IL24: variants seen among roughly 807,000 people sequenced by gnomAD.
IL24 encodes interleukin-24.
IL24 carries 24 observed loss-of-function variants against 27.6 expected under a neutral mutation model. The ratio of observed to expected loss-of-function variants is 0.87; its 90% CI spans 0.63 to 1.22. The LOEUF (loss-of-function observed/expected upper bound fraction) is 1.22. Ranked by LOEUF, IL24 falls within the 50% of genes most tolerant of loss-of-function variation. IL24 has a pLI of 0.00. For synonymous variants in IL24, 99 were observed against 93.1 expected (o/e 1.06, Z -0.36); for missense variants, 240 against 237.0 (o/e 1.01, Z -0.08).
At chr1:206,900,414 T>G (rs1336976593) in intron 4 of IL24, 57 bp downstream of exon 4, 50 of 1,491,002 alleles carry the variant, frequency 3.4e-5, no homozygotes, top group Non-Finnish European at 3.7e-5. Context: ...TGGGTGGGAG[T>G]GCAAGGCTTT....
intron 5 of IL24, 80 bp downstream of exon 5, chr1:206,901,732 C>A: frequency 8.3e-7 from 1 of 1,206,564 alleles, no homozygotes. Context: ...TGACCCTCTG[C>A]AAAGTCCTCC....
Position 206,899,306 on chromosome 1 carries a change from C to T in IL24, c.45-14C>T, listed in dbSNP as rs1326964737. On this transcript the variant is annotated splice_polypyrimidine_tract_variant and intron_variant, in intron 2 of 6. Coordinates refer to ENST00000294984, the MANE Select transcript of IL24 (RefSeq NM_006850.3). ...AGGGCCGGCCTCACAGGCTGCCTCCCTTTCTTTCAGCAGACCCTTCTGCCC... is the reference window on the plus strand; with the variant it reads ...AGGGCCGGCCTCACAGGCTGCCTCCTTTTCTTTCAGCAGACCCTTCTGCCC... The T allele has an allele frequency of 1.2e-6, 2 of 1,611,574 alleles. No homozygotes were observed. The highest frequency in any genetic ancestry group is 1.3e-5 in the African/African-American group (1 of 74,878).
intron 5 of IL24, 26 bp from the exon 6 acceptor site, chr1:206,901,972 A>T: frequency 6.2e-7 from 1 of 1,611,888 alleles, no homozygotes; most frequent in East Asian, 2.2e-5. Flanking sequence ...AAAAATTGGC[A>T]CAACTTCTTT....
chr1:206,901,734 A>G, intron 5 of IL24, 82 bp downstream of exon 5: 3 of 1,213,388 alleles, frequency 2.5e-6, no homozygotes, highest in Non-Finnish European at 3.6e-6. Context: ...ACCCTCTGCA[A>G]AGTCCTCCAC....
At chr1:206,902,546 A>C (rs1329227529) in intron 6 of IL24, 5 of 978,426 alleles carry the variant, frequency 5.1e-6, no homozygotes, top group Non-Finnish European at 6.0e-6. Flanking sequence ...CCCCCCTAAA[A>C]ACATAAATGA....
chr1:206,903,158 C>T lies in IL24; in HGVS notation c.*99C>T. 2 of 1,028,988 alleles carry T rather than the reference C, an allele frequency of 1.9e-6. No individual in the cohort carries two copies. Among genetic ancestry groups the T allele is most frequent in the Non-Finnish European group, 3.0e-6 (2 of 656,636 alleles). 63.7% of individuals were successfully genotyped at this position (1,028,988 alleles called of 1,614,324 possible). On this transcript the variant is annotated 3_prime_UTR_variant, in exon 7 of 7. Coordinates refer to ENST00000294984, the MANE Select transcript of IL24 (RefSeq NM_006850.3). Reference sequence around the variant, plus strand: ...ATGCTGTTCACTGGACACTTCACGCCCTTGGCCATGGGTCCCATTCTTGGC... The same window carrying T: ...ATGCTGTTCACTGGACACTTCACGCTCTTGGCCATGGGTCCCATTCTTGGC...
intron 4 of IL24, 71 bp from the exon 5 acceptor site, chr1:206,901,423 T>C (rs1678372620): frequency 2.6e-6 from 4 of 1,513,860 alleles, no homozygotes; most frequent in African/African-American, 2.8e-5. Flanking sequence ...TTGGGTGGCA[T>C]GTGGGTTGTT....
chr1:206,903,162 G>A lies in IL24; in HGVS notation c.*103G>A. 1.0e-6 allele frequency: 1 copy of A among 978,528 alleles called. No individual in the cohort carries two copies. The highest frequency in any genetic ancestry group is 1.6e-6 in the Non-Finnish European group (1 of 614,150). The allele number at this position is 978,528 out of a possible 1,614,324, so 60.6% of individuals were successfully genotyped here. A position where few individuals can be genotyped will look rare whatever the true frequency, so the allele number is the denominator to read the frequency against. Reference sequence around the variant, plus strand: ...TGTTCACTGGACACTTCACGCCCTTGGCCATGGGTCCCATTCTTGGCCCAG... The same window carrying A: ...TGTTCACTGGACACTTCACGCCCTTAGCCATGGGTCCCATTCTTGGCCCAG... On this transcript the variant is annotated 3_prime_UTR_variant, in exon 7 of 7. Transcript: ENST00000294984.
At chr1:206,899,214 A>G (rs143926758) in intron 2 of IL24, 106 bp from the exon 3 acceptor site, 15 of 1,154,946 alleles carry the variant, frequency 1.3e-5, no homozygotes, top group Non-Finnish European at 1.7e-5. Context: ...TGCCCATTGG[A>G]GAGTGCTCGA....
chr1:206,903,095 G>A lies in IL24; in HGVS notation c.*36G>A, dbSNP rs1558642685. ...CAGGACCTCCCTCCCCCTGGCACTG[G>A]TTTGTTCCCTGTGTCATTTCAAACA... is the stretch of plus-strand genomic sequence containing the variant. On this transcript the variant is annotated 3_prime_UTR_variant, in exon 7 of 7. Coordinates refer to ENST00000294984, the MANE Select transcript of IL24 (RefSeq NM_006850.3). 2 of 1,553,800 alleles carry A rather than the reference G, an allele frequency of 1.3e-6. No individual in the cohort carries two copies. Among genetic ancestry groups the A allele is most frequent in the Non-Finnish European group, 1.8e-6 (2 of 1,125,104 alleles).
intron 3 of IL24, 152 bp from the exon 4 acceptor site, chr1:206,900,143 C>G: frequency 1.4e-6 from 1 of 711,270 alleles, no homozygotes; most frequent in East Asian, 2.7e-5. Flanking sequence ...CAGCTCAGCC[C>G]AGTCCTTCCT....
At chr1:206,900,416 C>T in intron 4 of IL24, 59 bp downstream of exon 4, 1 of 1,480,612 alleles carries the variant, frequency 6.8e-7, no homozygotes, top group Non-Finnish European at 9.4e-7. Flanking sequence ...GGTGGGAGTG[C>T]AAGGCTTTCT....
chr1:206,899,257 C>T, intron 2 of IL24, 63 bp from the exon 3 acceptor site: 12 of 1,543,542 alleles, frequency 7.8e-6, no homozygotes, highest in Non-Finnish European at 1.1e-5. Context: ...GAGCATTTTC[C>T]CAGGGCATGT....
intron 6 of IL24, 189 bp downstream of exon 6, chr1:206,902,261 T>C (rs1678420697): frequency 2.0e-6 from 2 of 985,412 alleles, no homozygotes; most frequent in Non-Finnish European, 2.4e-6. Flanking sequence ...TGGTCTTTTT[T>C]CTTCCAGTTT....
At chr1:206,900,804 T>A (rs1422860078) in intron 4 of IL24, among the ~76,000 whole-genome samples, 1 of 152,174 alleles carries the variant, frequency 6.6e-6, no homozygotes, top group African/African-American at 2.4e-5. Context: ...CTGGTTTCTA[T>A]GCTGAACCCT....
At chr1:206,902,238 A>T (rs1384995399) in intron 6 of IL24, 166 bp downstream of exon 6, 4 of 985,330 alleles carry the variant, frequency 4.1e-6, no homozygotes, top group Non-Finnish European at 4.8e-6. Context: ...TTGCAGAAGC[A>T]TCGTAAACTA....
At chr1:206,900,940 G>A (rs1447351795) in intron 4 of IL24, among the ~76,000 whole-genome samples, 1 of 152,036 alleles carries the variant, frequency 6.6e-6, no homozygotes, top group Non-Finnish European at 1.5e-5. Context: ...TGTTATCAAG[G>A]ATGGGTCACC....
At position 206,899,407 on chromosome 1, in the gene IL24, C is replaced by G; in HGVS notation, c.132C>G (p.Ser44Arg). 1 of 1,614,196 alleles carries G rather than the reference C, an allele frequency of 6.2e-7. No individual in the cohort carries two copies. The highest frequency in any genetic ancestry group is 8.5e-7 in the Non-Finnish European group (1 of 1,180,026). ...PCLGFTLLLW[S>R]QVSGAQGQEF... ...TGGGTTTTACCCTGCTTCTCTGGAG[C>G]CAGGTATCAGGGGCCCAGGGCCAAG... Residue 44 changes from serine to arginine, a missense_variant, in exon 3 of 7, where the codon AGC becomes AGG. By Grantham distance (110) the Ser-to-Arg change is moderately radical. Coordinates refer to ENST00000294984, the MANE Select transcript of IL24 (RefSeq NM_006850.3).
At position 206,900,339 on chromosome 1, in the gene IL24, G is replaced by A; in HGVS notation, c.285G>A (p.Glu95=). 6.2e-7 allele frequency: 1 copy of A among 1,614,040 alleles called. No homozygotes were observed. The highest frequency in any genetic ancestry group is 8.5e-7 in the Non-Finnish European group (1 of 1,179,998). ...NITSARLLQQ[E]VLQNVSDAES... is the part of the protein sequence containing the mutation. Reference sequence around the variant, plus strand: ...CGAGTGCCCGGCTGCTGCAGCAGGAGGTTCTGCAGAACGTCTCGGTAATCA... The same window carrying A: ...CGAGTGCCCGGCTGCTGCAGCAGGAAGTTCTGCAGAACGTCTCGGTAATCA... The change falls in exon 4 of 7, where the codon GAG becomes GAA. Residue 95 remains glutamate (E), a synonymous_variant. Coordinates refer to ENST00000294984, the MANE Select transcript of IL24 (RefSeq NM_006850.3).
Sources: gnomAD v4.1 joint callset for allele counts (sites outside exome capture counted in the v4.1 genomes callset) on GRCh38, gnomAD v4.1.1 for gene constraint, MANE v1.5 for transcripts, NCBI Gene and HGNC (gene_info 2026-07-23, HGNC 2026-07-21) for gene names.